PAPPA2: variants seen among roughly 807,000 people sequenced by gnomAD.
The protein encoded by PAPPA2 is pappalysin-2.
Under a neutral mutation model 176.4 loss-of-function variants are expected in PAPPA2, and 86 were observed. That is an observed-to-expected ratio of 0.49 (90% CI 0.41 to 0.58). The LOEUF is 0.58. Ranked by LOEUF, PAPPA2 falls within the 20% of genes least tolerant of loss-of-function variation. The pLI is 0.00. For synonymous variants in PAPPA2, 809 were observed against 852.2 expected, an observed-to-expected ratio of 0.95 and a Z score of 0.88; for missense variants, 2,073 against 2,256.9, an observed-to-expected ratio of 0.92 and a Z score of 1.65.
chr1:176,631,049 G>T (rs1439729438), intron 3 of PAPPA2, among the ~76,000 whole-genome samples: 1 of 152,124 alleles, frequency 6.6e-6, no homozygotes, highest in Non-Finnish European at 1.5e-5. Context: ...ATGAGGAGAC[G>T]TTAGAAGAAA....
intron 3 of PAPPA2, among the ~76,000 whole-genome samples, chr1:176,603,879 T>C (rs1352934154): frequency 6.6e-6 from 1 of 152,142 alleles, no homozygotes; most frequent in East Asian, 1.9e-4. Context: ...ATAACTCAGA[T>C]CAAGTCATTC....
rs890338264 is a variant in PAPPA2 at position 176,616,815 on chromosome 1, T to C, written c.1991+21220T>C. On this transcript the variant is annotated intron_variant, in intron 3 of 22. Transcript: ENST00000367662. ...ATTAATTTAGTTAAAAAATACTCAATAGGGTTATGAAATAATTAAAAAATT... is the reference window on the plus strand; with the variant it reads ...ATTAATTTAGTTAAAAAATACTCAACAGGGTTATGAAATAATTAAAAAATT... 6 of 723,384 alleles carry C rather than the reference T, an allele frequency of 8.3e-6. No individual in the cohort carries two copies. In the Admixed American group the frequency reaches 1.1e-4, roughly 13 times the overall value. The allele number at this position is 723,384 out of a possible 1,614,324, so 44.8% of individuals were successfully genotyped here.
chr1:176,617,673 T>G (rs1376725289), intron 3 of PAPPA2, among the ~76,000 whole-genome samples: 1 of 152,032 alleles, frequency 6.6e-6, no homozygotes, highest in Non-Finnish European at 1.5e-5. Flanking sequence ...TATCACATTT[T>G]CTTTATCCAC....
chr1:176,485,719 G>A (rs545845912), intron 1 of PAPPA2, among the ~76,000 whole-genome samples: 3 of 152,154 alleles, frequency 2.0e-5, no homozygotes, highest in Non-Finnish European at 2.9e-5. Context: ...TATAGTAGGC[G>A]GGGGGAGGAA....
At chr1:176,575,960 T>C (rs565627787) in intron 2 of PAPPA2, among the ~76,000 whole-genome samples, 4 of 152,246 alleles carry the variant, frequency 2.6e-5, no homozygotes, top group Non-Finnish European at 5.9e-5. Context: ...TAAATATTCT[T>C]CTCAGGTGTG....
Position 176,595,440 on chromosome 1 carries a change from C to T in PAPPA2, c.1836C>T (p.Cys612=), listed in dbSNP as rs770275783. The T allele has an allele frequency of 5.0e-6, 8 of 1,614,138 alleles. No homozygotes were observed. Among genetic ancestry groups the T allele is most frequent in the Non-Finnish European group, 6.8e-6 (8 of 1,180,028 alleles). ...HPLTGYDGGD[C]RLQGRCYSWN... ...TCACAGGCTATGATGGGGGTGACTG[C>T]CGCCTGCAGGGCCGCTGCTACTCCT... Residue 612 remains cysteine, a synonymous_variant, in exon 3 of 23, where the codon TGC becomes TGT. Coordinates refer to ENST00000367662, the MANE Select transcript of PAPPA2 (RefSeq NM_020318.3).
intron 3 of PAPPA2, among the ~76,000 whole-genome samples, chr1:176,658,728 A>T (rs58090844): frequency 7.2e-5 from 11 of 152,160 alleles, no homozygotes; most frequent in Middle Eastern, 6.8e-3. Context: ...AATTCAATCA[A>T]TGCTATAGTG....
intron 1 of PAPPA2, among the ~76,000 whole-genome samples, chr1:176,518,119 A>G (rs904652489): frequency 7.2e-5 from 11 of 152,188 alleles, no homozygotes. Flanking sequence ...GCTTACCTAC[A>G]TATCTACCTA....
At chr1:176,501,902 C>T (rs777998240) in intron 1 of PAPPA2, among the ~76,000 whole-genome samples, 2 of 152,236 alleles carry the variant, frequency 1.3e-5, no homozygotes, top group East Asian at 1.9e-4. Context: ...ACACTGATAT[C>T]ATTTATAAAA....
chr1:176,672,997 A>G (rs1353522417), intron 4 of PAPPA2, among the ~76,000 whole-genome samples: 2 of 152,174 alleles, frequency 1.3e-5, no homozygotes, highest in Admixed American at 6.6e-5. Context: ...AGTATAAACC[A>G]AAGAAGGCAT....
intron 3 of PAPPA2, among the ~76,000 whole-genome samples, chr1:176,624,725 C>A (rs1655910642): frequency 6.6e-6 from 1 of 152,184 alleles, no homozygotes; most frequent in African/African-American, 2.4e-5. Context: ...CTATCTCCAT[C>A]CCAGTCCTAC....
intron 1 of PAPPA2, among the ~76,000 whole-genome samples, chr1:176,485,103 C>T (rs1450914264): frequency 6.6e-6 from 1 of 152,216 alleles, no homozygotes; most frequent in East Asian, 1.9e-4. Context: ...CCAAGCTTCC[C>T]ACATGCTGGA....
chr1:176,781,671 C>T (rs367866752), intron 17 of PAPPA2, among the ~76,000 whole-genome samples: 11 of 151,946 alleles, frequency 7.2e-5, no homozygotes, highest in East Asian at 1.9e-4. Flanking sequence ...AGTAGAGAAC[C>T]GTGTCTTTTA....
intron 12 of PAPPA2, among the ~76,000 whole-genome samples, chr1:176,728,967 T>C (rs1290689021): frequency 6.6e-6 from 1 of 151,978 alleles, no homozygotes; most frequent in Non-Finnish European, 1.5e-5. Context: ...TGTGGTATCT[T>C]ACTTTTGTTA....
rs372973714 is a variant in PAPPA2, at chr1:176,699,233, G to A, written c.2880G>A (p.Pro960=). ...GCSLELLFQH[P]VQADTLTLWV... is the part of the protein sequence containing the mutation. ...GCTTGGAGCTGCTCTTCCAACACCC[G>A]GTCCAAGCCGACACCCTCACCCTGT... The change falls in exon 8 of 23, where the codon CCG becomes CCA. Residue 960 remains proline, a synonymous_variant. Transcript: ENST00000367662. 2.7e-5 allele frequency: 43 copies of A among 1,613,894 alleles called. No homozygotes were observed. The highest frequency in any genetic ancestry group is 5.0e-5 in the Admixed American group (3 of 59,974).
At chr1:176,621,076 C>A (rs1046719403) in intron 3 of PAPPA2, among the ~76,000 whole-genome samples, 2 of 151,972 alleles carry the variant, frequency 1.3e-5, no homozygotes, top group Non-Finnish European at 2.9e-5. Context: ...GAATAGAAAA[C>A]CCCAGGCCAG....
chr1:176,634,799 G>GAGAGAGATAGATAGATAGAT (rs1396094505), intron 3 of PAPPA2, among the ~76,000 whole-genome samples: 2 of 120,176 alleles, frequency 1.7e-5, no homozygotes, highest in African/African-American at 6.7e-5. Flanking sequence ...TCCAAGGAGA[G>GAGAGAGATAGATAGATAGAT]AGATAGATAG....
At chr1:176,798,943 C>T (rs550431202) in intron 20 of PAPPA2, among the ~76,000 whole-genome samples, 49 of 152,330 alleles carry the variant, frequency 3.2e-4, no homozygotes, top group South Asian at 8.3e-4. Context: ...TGCAGATCCC[C>T]ATTCTCCTAC....
rs181964152 is a variant in PAPPA2 at position 176,592,544 on chromosome 1, A to G, written c.920-1980A>G. Among the ~76,000 whole-genome samples, 466 of 152,280 alleles carry G rather than the reference A, an allele frequency of 3.1e-3. 5 individuals carry two copies. Among genetic ancestry groups the G allele is most frequent in the Non-Finnish European group, 5.2e-3 (354 of 67,986 alleles). ...CCTTTCTATGAGACAAATAAGAACA[A>G]TTATATTTTTGATAATAGACTAGAA... On this transcript the variant is annotated intron_variant, in intron 2 of 22. Transcript: ENST00000367662.
Sources: gnomAD v4.1 joint callset for allele counts (sites outside exome capture counted in the v4.1 genomes callset) on GRCh38, gnomAD v4.1.1 for gene constraint, MANE v1.5 for transcripts, NCBI Gene and HGNC (gene_info 2026-07-23, HGNC 2026-07-21) for gene names.